Variants in SLC4A4 observed in about 807,000 individuals in gnomAD.
SLC4A4 encodes the protein solute carrier family 4 member 4, also known as electrogenic sodium bicarbonate cotransporter 1.
A neutral mutation model predicts 111.5 loss-of-function variants in SLC4A4; 27 were observed. The ratio of observed to expected loss-of-function variants is 0.24; its 90% CI spans 0.18 to 0.33. SLC4A4 has a LOEUF of 0.33. Among genes scored for constraint, SLC4A4 ranks in the 10% least tolerant of loss-of-function variants. The pLI is 1.00. For missense variants in SLC4A4, 909 were observed against 1,315.5 expected, an observed-to-expected ratio of 0.69 and a Z score of 4.78; for synonymous variants, 443 against 463.4, an observed-to-expected ratio of 0.96 and a Z score of 0.57.
chr4:71,114,401 C>T (rs1483802282), intron 2 of SLC4A4, among the ~76,000 whole-genome samples: 1 of 150,416 alleles, frequency 6.6e-6, no homozygotes, highest in Non-Finnish European at 1.5e-5. Flanking sequence ...AACAGGCAAC[C>T]TACAAAATGG....
chr4:71,156,613 CAT>C (rs202138154), intron 2 of SLC4A4, among the ~76,000 whole-genome samples: 3,287 of 150,366 alleles, frequency 0.022, 118 homozygotes, highest in African/African-American at 0.077. Context: ...CACACACACA[CAT>C]ACACATTGTG....
intron 6 of SLC4A4, among the ~76,000 whole-genome samples, chr4:71,372,359 C>T (rs1196762382): frequency 1.3e-5 from 2 of 152,186 alleles, no homozygotes; most frequent in African/African-American, 4.8e-5. Flanking sequence ...CAGATCTCAC[C>T]GGCAGGCCTG....
At chr4:71,489,170 A>G (rs773790534) in intron 15 of SLC4A4, among the ~76,000 whole-genome samples, 10 of 151,672 alleles carry the variant, frequency 6.6e-5, no homozygotes, top group Non-Finnish European at 1.3e-4. Flanking sequence ...ATTAGATGTT[A>G]CCCCTATTTT....
intron 2 of SLC4A4, among the ~76,000 whole-genome samples, chr4:71,116,732 T>G (rs1199680919): frequency 6.6e-6 from 1 of 152,108 alleles, no homozygotes; most frequent in Admixed American, 6.5e-5. Context: ...TCACCTGAGG[T>G]TGCGAGTTCG....
At chr4:71,558,468 G>A (rs1736666102) in intron 22 of SLC4A4, among the ~76,000 whole-genome samples, 1 of 151,904 alleles carries the variant, frequency 6.6e-6, no homozygotes, top group Non-Finnish European at 1.5e-5. Flanking sequence ...GAGAAACAAG[G>A]TAAAGCAACT....
chr4:71,154,787 T>G (rs913224432), intron 2 of SLC4A4, among the ~76,000 whole-genome samples: 3 of 152,198 alleles, frequency 2.0e-5, no homozygotes, highest in Non-Finnish European at 2.9e-5. Flanking sequence ...CTATGCCAAT[T>G]AAGGAAAGAT....
chr4:71,128,533 G>A (rs891528053), intron 2 of SLC4A4, among the ~76,000 whole-genome samples: 2 of 152,162 alleles, frequency 1.3e-5, no homozygotes, highest in African/African-American at 4.8e-5. Context: ...CTGTTGCCCA[G>A]GCTGGAGTGG....
At chr4:71,383,987 T>C (rs1298594335) in intron 6 of SLC4A4, among the ~76,000 whole-genome samples, 1 of 152,154 alleles carries the variant, frequency 6.6e-6, no homozygotes, top group African/African-American at 2.4e-5. Context: ...TCTTCACCAA[T>C]GAGACTTCTT....
At chr4:71,114,705 T>C (rs1743198426) in intron 2 of SLC4A4, among the ~76,000 whole-genome samples, 1 of 146,660 alleles carries the variant, frequency 6.8e-6, no homozygotes, top group Non-Finnish European at 1.5e-5. Context: ...GGAGAGGATG[T>C]GGAGAAATAG....
At chr4:71,473,534 A>C (rs1728079913) in intron 14 of SLC4A4, among the ~76,000 whole-genome samples, 1 of 151,884 alleles carries the variant, frequency 6.6e-6, no homozygotes. Flanking sequence ...AGGAAGAGAG[A>C]AGAAGAAATG....
intron 3 of SLC4A4, among the ~76,000 whole-genome samples, chr4:71,279,698 A>C (rs951920105): frequency 6.6e-6 from 1 of 152,150 alleles, no homozygotes; most frequent in African/African-American, 2.4e-5. Context: ...AGGAACTTCC[A>C]TTCTGTGTTC....
intron 2 of SLC4A4, among the ~76,000 whole-genome samples, chr4:71,126,078 A>G (rs1169305014): frequency 1.3e-5 from 2 of 152,188 alleles, no homozygotes; most frequent in African/African-American, 4.8e-5. Flanking sequence ...AGCACGGCTC[A>G]TCAAAATTTG....
chr4:71,313,260 T>C (rs537091129), intron 3 of SLC4A4, among the ~76,000 whole-genome samples: 5 of 152,288 alleles, frequency 3.3e-5, no homozygotes, highest in African/African-American at 9.6e-5. Flanking sequence ...TACAAACCAC[T>C]GCTCAAGGAA....
At chr4:71,228,435 A>G (rs1199270970) in intron 1 of SLC4A4, among the ~76,000 whole-genome samples, 1 of 152,194 alleles carries the variant, frequency 6.6e-6, no homozygotes, top group African/African-American at 2.4e-5. Context: ...TCTGGGCCCT[A>G]GGAACTTTAT....
chr4:71,161,836 C>A (rs1391252363), intron 2 of SLC4A4, among the ~76,000 whole-genome samples: 2 of 152,148 alleles, frequency 1.3e-5, no homozygotes, highest in Admixed American at 1.3e-4. Context: ...TGACAGGGAA[C>A]AATGTATACC....
intron 2 of SLC4A4, among the ~76,000 whole-genome samples, chr4:71,168,501 A>C (rs1744845180): frequency 6.6e-6 from 1 of 152,094 alleles, no homozygotes; most frequent in South Asian, 2.1e-4. Context: ...ATGTACAATT[A>C]AATTATTTTT....
At chr4:71,405,877 G>T (rs549325441) in intron 7 of SLC4A4, among the ~76,000 whole-genome samples, 19 of 152,242 alleles carry the variant, frequency 1.2e-4, no homozygotes, top group African/African-American at 4.6e-4. Flanking sequence ...TTATTTTCCT[G>T]ATCTAATTGG....
At chr4:71,298,103 A>G (rs906280465) in intron 3 of SLC4A4, among the ~76,000 whole-genome samples, 10 of 152,160 alleles carry the variant, frequency 6.6e-5, no homozygotes. Flanking sequence ...ATATATTTAA[A>G]AGCATTTTGT....
At position 71,392,548 on chromosome 4, in the gene SLC4A4, A is replaced by C. The variant is rs73828138; in HGVS notation, c.731-5029A>C. ...TGTTAAAATGCACATTGGTGTCCAC[A>C]CTCCCCGCTCATATCCAGAGTGTTG... On this transcript the variant is annotated intron_variant, in intron 6 of 25. Coordinates refer to ENST00000264485, the MANE Select transcript of SLC4A4 (RefSeq NM_001098484.3). 7.7e-3 allele frequency among the ~76,000 whole-genome samples: 1,178 copies of C among 152,054 alleles called. 17 individuals are homozygous for C. Among genetic ancestry groups the C allele is most frequent in the African/African-American group, 0.025 (1,031 of 41,490 alleles).
Sources: allele counts gnomAD v4.1 joint callset (sites outside exome capture counted in the v4.1 genomes callset), GRCh38; gene constraint gnomAD v4.1.1; transcripts MANE v1.5; gene names NCBI Gene and HGNC (gene_info 2026-07-23, HGNC 2026-07-21).